Variants in PSMD1 observed in about 807,000 individuals in gnomAD.
PSMD1 encodes proteasome 26S subunit, non-ATPase 1.
Under a neutral mutation model 119.0 loss-of-function variants are expected in PSMD1, and 18 were observed. The observed-to-expected ratio is 0.15, with a 90% CI of 0.10 to 0.22. The LOEUF is 0.22. Among genes scored for constraint, PSMD1 ranks in the 10% least tolerant of loss-of-function variants. The pLI is 1.00. For missense variants in PSMD1, 702 were observed against 1,158.5 expected, an observed-to-expected ratio of 0.61 and a Z score of 5.72; for synonymous variants, 374 against 396.6, an observed-to-expected ratio of 0.94 and a Z score of 0.68.
In PSMD1 at chr2:231,056,976, T is replaced by A. The variant is rs186537455; in HGVS notation, c.-50T>A. ...GCGGCCCCTGAGCTGACAGATACAC[T>A]GCGCAGCTGGAACGGCGAGCGAGCC... On this transcript the variant is annotated 5_prime_UTR_variant, in exon 1 of 25. Transcript: ENST00000308696. 8 of 1,538,568 alleles carry A rather than the reference T, an allele frequency of 5.2e-6. No individual in the cohort carries two copies. The highest frequency in any genetic ancestry group is 7.0e-6 in the Non-Finnish European group (8 of 1,143,518).
chr2:231,161,082 C>T (rs560748274), intron 19 of PSMD1, among the ~76,000 whole-genome samples: 4 of 151,982 alleles, frequency 2.6e-5, no homozygotes, highest in South Asian at 2.1e-4. Flanking sequence ...TGTGGCGGCC[C>T]GCACATGTAG....
intron 16 of PSMD1, chr2:231,109,016 A>G (rs1695061468): frequency 1.2e-6 from 2 of 1,614,250 alleles, no homozygotes; most frequent in African/African-American, 1.3e-5. Context: ...TTCGTTGGAA[A>G]TGGTCTGCAC....
At chr2:231,123,832 A>G in intron 16 of PSMD1, 1 of 1,236,054 alleles carries the variant, frequency 8.1e-7, no homozygotes, top group South Asian at 1.2e-5. Context: ...TAAGCTGCTC[A>G]TCTGTTTTTT....
intron 16 of PSMD1, among the ~76,000 whole-genome samples, chr2:231,129,451 C>T (rs1304006556): frequency 6.6e-6 from 1 of 152,158 alleles, no homozygotes; most frequent in African/African-American, 2.4e-5. Context: ...TTAAAATTCC[C>T]TCCCTCGCCC....
Position 231,082,981 on chromosome 2 carries a change from T to A in PSMD1, c.1512T>A (p.Asp504Glu). 6.2e-7 allele frequency: 1 copy of A among 1,611,796 alleles called. No individual in the cohort carries two copies. Residue 504 changes from aspartate to glutamate, a missense_variant, in exon 13 of 25, where the codon GAT becomes GAA. Transcript: ENST00000308696. Reference sequence around the variant, plus strand: ...TGCTAAAAACAAACCTTTATCAGGATGATGCAGTAACAGGTAAGCATTTCT... The same window carrying A: ...TGCTAAAAACAAACCTTTATCAGGAAGATGCAGTAACAGGTAAGCATTTCT... ...YDLLKTNLYQ[D>E]DAVTGEAAGL...
At chr2:231,124,492 A>G (rs1695668276) in intron 16 of PSMD1, among the ~76,000 whole-genome samples, 1 of 152,140 alleles carries the variant, frequency 6.6e-6, no homozygotes, top group Admixed American at 6.5e-5. Context: ...ATGTTTTACC[A>G]GCTAGGGATC....
In PSMD1 at chr2:231,122,440, A is replaced by T. The variant is rs540422686; in HGVS notation, c.1884-16296A>T. On this transcript the variant is annotated intron_variant, in intron 16 of 24. Coordinates refer to ENST00000308696, the MANE Select transcript of PSMD1 (RefSeq NM_002807.4). ...TAACTTAAAATATTTTTATCTTCAT[A>T]TAAGTAAATATAATTCTAAGAAACT... 6.6e-5 allele frequency among the ~76,000 whole-genome samples: 10 copies of T among 152,252 alleles called. No individual in the cohort carries two copies. The South Asian group carries it at 1.7e-3, about 25-fold the overall frequency.
chr2:231,115,662 A>G (rs1320281756), intron 16 of PSMD1, among the ~76,000 whole-genome samples: 8 of 152,186 alleles, frequency 5.3e-5, no homozygotes, highest in Non-Finnish European at 1.2e-4. Context: ...AGAGATTACC[A>G]TTGATCTTGC....
chr2:231,122,315 C>G (rs1198964382), intron 16 of PSMD1, among the ~76,000 whole-genome samples: 1 of 152,034 alleles, frequency 6.6e-6, no homozygotes, highest in Non-Finnish European at 1.5e-5. Context: ...TCTGTTATTA[C>G]TTATAAAATT....
chr2:231,103,216 A>C lies in PSMD1; in HGVS notation c.1883+16035A>C, dbSNP rs548447433. ...AGAACAAAACACAGACCCATATAGC[A>C]TGGTATTTCTTCTTACACCAGTTTT... On this transcript the variant is annotated intron_variant, in intron 16 of 24. Coordinates refer to ENST00000308696, the MANE Select transcript of PSMD1 (RefSeq NM_002807.4). Among the ~76,000 whole-genome samples, 12 of 152,340 alleles carry C rather than the reference A, an allele frequency of 7.9e-5. No individual in the cohort carries two copies. The South Asian group carries it at 2.5e-3, about 32-fold the overall frequency.
At chr2:231,159,847 C>T (rs1317558734) in intron 19 of PSMD1, among the ~76,000 whole-genome samples, 4 of 152,160 alleles carry the variant, frequency 2.6e-5, no homozygotes, top group African/African-American at 9.7e-5. Context: ...GAAACTTTTC[C>T]ACCTCAGTTC....
rs115712245 is a variant in PSMD1 at position 231,102,040 on chromosome 2, G to A, written c.1883+14859G>A. On this transcript the variant is annotated intron_variant, in intron 16 of 24. Coordinates refer to ENST00000308696, the MANE Select transcript of PSMD1 (RefSeq NM_002807.4). The stretch of plus-strand genomic sequence containing the variant: ...TCACTGTGTTGCCCAGGCTCATCTT[G>A]ACCTCTGGCCTTAGGAGATCCTCCT... Among the ~76,000 whole-genome samples, 440 of 152,202 alleles carry A rather than the reference G, an allele frequency of 2.9e-3. 2 individuals are homozygous for A. The highest frequency in any genetic ancestry group is 9.3e-3 in the South Asian group (45 of 4,824).
chr2:231,128,929 A>T (rs756069057), intron 16 of PSMD1, among the ~76,000 whole-genome samples: 1 of 151,740 alleles, frequency 6.6e-6, no homozygotes, highest in Non-Finnish European at 1.5e-5. Context: ...AAAGAATAAG[A>T]TTTTTTTTTG....
chr2:231,106,822 A>T (rs1025719409), intron 16 of PSMD1, among the ~76,000 whole-genome samples: 1 of 152,168 alleles, frequency 6.6e-6, no homozygotes, highest in African/African-American at 2.4e-5. Context: ...ATTGCCTGCC[A>T]ACTCTGGTGT....
intron 16 of PSMD1, among the ~76,000 whole-genome samples, chr2:231,105,646 A>C (rs918417856): frequency 2.0e-5 from 3 of 152,180 alleles, no homozygotes; most frequent in Non-Finnish European, 4.4e-5. Flanking sequence ...ATAAATTCAT[A>C]AGCTTTTAGA....
chr2:231,144,763 G>A (rs1465987150), intron 17 of PSMD1, among the ~76,000 whole-genome samples: 1 of 152,110 alleles, frequency 6.6e-6, no homozygotes, highest in Admixed American at 6.5e-5. Context: ...ACTGGCCTGG[G>A]TTTGCTATCA....
In PSMD1 at chr2:231,165,206, A is replaced by G; in HGVS notation, c.2488A>G (p.Thr830Ala). ...PKEKEKEKVS[T>A]AVLSITAKAK... is the part of the protein sequence containing the mutation. ...ACCCTGCTCATTTCCCCAGGTTTCTACTGCTGTATTATCTATAACTGCCAA... is the reference window on the plus strand; with the variant it reads ...ACCCTGCTCATTTCCCCAGGTTTCTGCTGCTGTATTATCTATAACTGCCAA... Residue 830 changes from threonine to alanine, a missense_variant, in exon 22 of 25, where the codon ACT becomes GCT. By Grantham distance (58) the Thr-to-Ala change is moderately conservative. Around this residue, in one of 9 missense-constraint regions of PSMD1, gnomAD observed 152 missense variants for 239.3 expected, o/e 0.64. Transcript: ENST00000308696. The G allele has an allele frequency of 6.2e-7, 1 of 1,603,190 alleles. No homozygotes were observed. The highest frequency in any genetic ancestry group is 8.5e-7 in the Non-Finnish European group (1 of 1,173,764).
At chr2:231,128,484 G>A (rs112447760) in intron 16 of PSMD1, among the ~76,000 whole-genome samples, 3,405 of 152,260 alleles carry the variant, frequency 0.022, 139 homozygotes, top group African/African-American at 0.077. Flanking sequence ...ATCTGTTCTC[G>A]TTAGACTCCT....
In PSMD1 at chr2:231,108,464, A is replaced by C. The variant is rs576219059; in HGVS notation, c.1883+21283A>C. Reference sequence around the variant, plus strand: ...TATAATATATTCTTGGCACATTTACATCTCATTCATCATCTTACTCATCAT... The same window carrying C: ...TATAATATATTCTTGGCACATTTACCTCTCATTCATCATCTTACTCATCAT... On this transcript the variant is annotated intron_variant, in intron 16 of 24. Transcript: ENST00000308696. 1.5e-5 allele frequency: 20 copies of C among 1,299,870 alleles called. No individual in the cohort carries two copies. The African/African-American group carries it at 2.8e-4, about 18-fold the overall frequency. 80.5% of individuals were successfully genotyped at this position (1,299,870 alleles called of 1,614,324 possible). A position where few individuals can be genotyped will look rare whatever the true frequency, so the allele number is the denominator to read the frequency against.
Sources: gnomAD v4.1 joint callset for allele counts (sites outside exome capture counted in the v4.1 genomes callset) on GRCh38, gnomAD v4.1.1 for gene constraint, gnomAD v4.1.1 regional missense constraint, MANE v1.5 for transcripts, NCBI Gene and HGNC (gene_info 2026-07-23, HGNC 2026-07-21) for gene names.